TASP1: variants seen among roughly 807,000 people sequenced by gnomAD.
The protein encoded by TASP1 is taspase 1.
TASP1 carries 16 observed loss-of-function variants against 56.6 expected under a neutral mutation model. That is an observed-to-expected ratio of 0.28 (90% CI 0.19 to 0.43). The LOEUF (loss-of-function observed/expected upper bound fraction) is 0.43. Among genes scored for constraint, TASP1 ranks in the 20% least tolerant of loss-of-function variants. TASP1 has a pLI of 1.00. For missense variants in TASP1, 393 were observed against 511.6 expected, an observed-to-expected ratio of 0.77 and a Z score of 2.24; for synonymous variants, 179 against 184.2, an observed-to-expected ratio of 0.97 and a Z score of 0.23.
At chr20:13,313,438 G>A in the TASP1 span, among the ~76,000 whole-genome samples, 15 of 152,152 alleles carry the variant, frequency 9.9e-5, no homozygotes, top group South Asian at 2.1e-4. Flanking sequence ...GTTCAAATAA[G>A]GTAAACACGG....
the TASP1 span, among the ~76,000 whole-genome samples, chr20:13,232,278 C>A: frequency 6.6e-6 from 1 of 152,130 alleles, no homozygotes; most frequent in Non-Finnish European, 1.5e-5. Flanking sequence ...ATAAATCTAC[C>A]ATCTGAAAAG....
chr20:13,393,866 T>C (rs2041393209), intron 13 of TASP1, among the ~76,000 whole-genome samples: 1 of 151,378 alleles, frequency 6.6e-6, no homozygotes, highest in African/African-American at 2.4e-5. Flanking sequence ...TAAAGTCCCC[T>C]GCGCTCAGCC....
At chr20:13,205,829 A>G in the TASP1 span, among the ~76,000 whole-genome samples, 20 of 152,350 alleles carry the variant, frequency 1.3e-4, no homozygotes, top group Middle Eastern at 0.014. Context: ...GAGAGTGCCA[A>G]TGAGCAGGTC....
At chr20:13,112,771 T>C in the TASP1 span, among the ~76,000 whole-genome samples, 6 of 152,216 alleles carry the variant, frequency 3.9e-5, no homozygotes, top group African/African-American at 1.4e-4. Context: ...TCAATCGCTC[T>C]TGGGGGCTTC....
rs188710864 is a variant in TASP1 at position 13,517,188 on chromosome 20, G to C, written c.874+11245C>G. 1.4e-3 allele frequency among the ~76,000 whole-genome samples: 211 copies of C among 152,166 alleles called. 2 individuals are homozygous for C. Among genetic ancestry groups the C allele is most frequent in the Non-Finnish European group, 1.9e-3 (131 of 68,006 alleles). On this transcript the variant is annotated intron_variant, in intron 10 of 13. Coordinates refer to ENST00000337743, the MANE Select transcript of TASP1 (RefSeq NM_017714.3). ...AACATATTCCTATATTGGCAAGAAG[G>C]TTTCCTATATTACCAAGGCCCCAGG...
chr20:13,198,186 G>A, the TASP1 span, among the ~76,000 whole-genome samples: 1 of 151,908 alleles, frequency 6.6e-6, no homozygotes, highest in African/African-American at 2.4e-5. Flanking sequence ...CTTAATTTAG[G>A]CTATAATCAC....
At chr20:13,308,192 G>C in the TASP1 span, among the ~76,000 whole-genome samples, 2 of 152,156 alleles carry the variant, frequency 1.3e-5, no homozygotes, top group Non-Finnish European at 2.9e-5. Context: ...ACACAAAAAG[G>C]AATAGACAGG....
the TASP1 span, among the ~76,000 whole-genome samples, chr20:13,305,103 A>T: frequency 6.6e-6 from 1 of 151,086 alleles, no homozygotes; most frequent in Non-Finnish European, 1.5e-5. Flanking sequence ...ACATCTGAAG[A>T]TGGTTTTGCT....
chr20:13,127,391 A>C, the TASP1 span, among the ~76,000 whole-genome samples: 212 of 152,310 alleles, frequency 1.4e-3, no homozygotes, highest in African/African-American at 4.9e-3. Context: ...GCTGCCAGGC[A>C]AACTGGTGAG....
At chr20:13,427,999 G>C (rs1395887176) in intron 12 of TASP1, among the ~76,000 whole-genome samples, 1 of 152,146 alleles carries the variant, frequency 6.6e-6, no homozygotes, top group Non-Finnish European at 1.5e-5. Flanking sequence ...GATGAACTGT[G>C]GGCCTCAAAT....
At chr20:13,357,780 T>C in the TASP1 span, among the ~76,000 whole-genome samples, 2 of 152,212 alleles carry the variant, frequency 1.3e-5, no homozygotes, top group East Asian at 3.9e-4. Context: ...TAACATTCAA[T>C]GCAATACTAT....
At chr20:13,532,074 C>T (rs1015998151) in intron 9 of TASP1, among the ~76,000 whole-genome samples, 8 of 151,952 alleles carry the variant, frequency 5.3e-5, no homozygotes, top group Admixed American at 5.2e-4. Context: ...CTGCTGGCTT[C>T]TCTCACCTTC....
the TASP1 span, among the ~76,000 whole-genome samples, chr20:13,185,669 T>A: frequency 6.6e-6 from 1 of 152,200 alleles, no homozygotes; most frequent in African/African-American, 2.4e-5. Context: ...AAAATTTCAG[T>A]ACAGAATCCC....
At chr20:13,550,565 T>C (rs961422766) in intron 8 of TASP1, among the ~76,000 whole-genome samples, 2 of 152,110 alleles carry the variant, frequency 1.3e-5, no homozygotes, top group African/African-American at 4.8e-5. Context: ...AGTAATCTCT[T>C]TATGTAAAAG....
the TASP1 span, among the ~76,000 whole-genome samples, chr20:13,268,421 AAT>A: frequency 1.3e-4 from 18 of 134,542 alleles, no homozygotes; most frequent in Admixed American, 1.4e-3. Context: ...AGGTTCAAAC[AAT>A]AATACATTTG....
chr20:13,500,966 T>C (rs2043924080), intron 10 of TASP1, among the ~76,000 whole-genome samples: 1 of 151,782 alleles, frequency 6.6e-6, no homozygotes, highest in Non-Finnish European at 1.5e-5. Flanking sequence ...AAAGCAAATA[T>C]GAAATATTAA....
At chr20:13,390,502 T>C in intron 13 of TASP1, 50 bp from the exon 14 acceptor site, 2 of 1,546,228 alleles carry the variant, frequency 1.3e-6, no homozygotes, top group Admixed American at 1.7e-5. Flanking sequence ...GCGGTGTCCC[T>C]TGCCACACCC....
At chr20:13,114,031 G>A in the TASP1 span, among the ~76,000 whole-genome samples, 1 of 152,218 alleles carries the variant, frequency 6.6e-6, no homozygotes, top group Non-Finnish European at 1.5e-5. Context: ...TAACCGAGAT[G>A]AGGCAGAGCG....
chr20:13,452,638 T>C (rs1021120330), intron 11 of TASP1, among the ~76,000 whole-genome samples: 7 of 151,788 alleles, frequency 4.6e-5, no homozygotes, highest in Non-Finnish European at 8.8e-5. Context: ...GTCTGACACA[T>C]AGTAGGTGAT....
Sources: gnomAD v4.1 joint callset for allele counts (sites outside exome capture counted in the v4.1 genomes callset) on GRCh38, gnomAD v4.1.1 for gene constraint, MANE v1.5 for transcripts, NCBI Gene and HGNC (gene_info 2026-07-23, HGNC 2026-07-21) for gene names.